The following BEX2 variants were observed in gnomAD, a reference collection of about 807,000 sequenced individuals.
BEX2 encodes the protein brain expressed X-linked 2, also known as protein BEX2.
Under a neutral mutation model 4.1 loss-of-function variants are expected in BEX2, and 2 were observed. That is an observed-to-expected ratio of 0.49 (90% CI 0.20 to 1.53). The LOEUF (loss-of-function observed/expected upper bound fraction) is 1.53. Ranked by LOEUF, BEX2 falls within the 40% of genes most tolerant of loss-of-function variation. The pLI is 0.23. For missense variants in BEX2, 94 were observed against 99.9 expected (o/e 0.94, Z 0.25); for synonymous variants, 34 against 35.9 (o/e 0.95, Z 0.19).
chrX:103,310,867 C>T lies in BEX2; in HGVS notation c.-89G>A. On this transcript the variant is annotated 5_prime_UTR_variant, in exon 1 of 3. Coordinates refer to ENST00000372677, the MANE Select transcript of BEX2 (RefSeq NM_032621.4). ...CCCCTCCGGGTCCCTTACCTGCTCC[C>T]CCTCCGCTTCCTACTTTCGGGGCCG... The T allele has an allele frequency of 6.1e-6, 2 of 327,258 alleles. No individual in the cohort carries two copies. The highest frequency in any genetic ancestry group is 5.2e-6 in the Non-Finnish European group (1 of 192,636). 27.0% of individuals were successfully genotyped at this position (327,258 alleles called of 1,213,427 possible). A position where few individuals can be genotyped will look rare whatever the true frequency, so the allele number is the denominator to read the frequency against.
intron 2 of BEX2, among the ~76,000 whole-genome samples, 158 bp downstream of exon 2, chrX:103,310,200 A>T (rs1015122067): frequency 9.1e-6 from 1 of 110,352 alleles, no homozygotes; most frequent in African/African-American, 3.3e-5. Flanking sequence ...TCTTCTCTGC[A>T]GATCCATCTC....
chrX:103,310,480 G>C, intron 1 of BEX2, 47 bp from the exon 2 acceptor site: 8 of 1,150,845 alleles, frequency 7.0e-6, no homozygotes, highest in South Asian at 3.8e-5. Flanking sequence ...GCAGCGGAAC[G>C]CTAGAGAGGA....
At chrX:103,310,829 C>T (rs1049312564) in intron 1 of BEX2, 31 bp downstream of exon 1, 2 of 378,373 alleles carry the variant, frequency 5.3e-6, no homozygotes, top group East Asian at 9.6e-5. Context: ...TCCCCCACAC[C>T]AACCCCAGGG....
rs1326911637 is a variant in BEX2, at chrX:103,310,387, C to A, written c.-35G>T. ...GCCTATCCTTGCAGTCTCCTCCTCC[C>A]GATTCTCGACGTGAGGTGCGTCGCC... is the stretch of plus-strand genomic sequence containing the variant. On this transcript the variant is annotated 5_prime_UTR_variant, in exon 2 of 3. Coordinates refer to ENST00000372677, the MANE Select transcript of BEX2 (RefSeq NM_032621.4). 2 of 1,155,505 alleles carry A rather than the reference C, an allele frequency of 1.7e-6. No homozygotes were observed. Among genetic ancestry groups the A allele is most frequent in the East Asian group, 6.5e-5 (2 of 30,638 alleles).
In BEX2 at chrX:103,310,380, C is replaced by T. The variant is rs1294788936; in HGVS notation, c.-28G>A. Reference sequence around the variant, plus strand: ...GACCTGGGCCTATCCTTGCAGTCTCCTCCTCCCGATTCTCGACGTGAGGTG... The same window carrying T: ...GACCTGGGCCTATCCTTGCAGTCTCTTCCTCCCGATTCTCGACGTGAGGTG... On this transcript the variant is annotated 5_prime_UTR_variant, in exon 2 of 3. Transcript: ENST00000372677. 3 of 1,155,365 alleles carry T rather than the reference C, an allele frequency of 2.6e-6. No homozygotes were observed. In the Admixed American group the frequency reaches 7.8e-5, roughly 30 times the overall value.
rs1926165023 is a variant in BEX2, at chrX:103,310,453, G to T, written c.-81-20C>A. On this transcript the variant is annotated intron_variant, in intron 1 of 2. Transcript: ENST00000372677. ...GCAAACCTGCAGACGGCCGGGGTGGGAAGAGTGGGGGCTGCTGCAGCGGAA... is the reference window on the plus strand; with the variant it reads ...GCAAACCTGCAGACGGCCGGGGTGGTAAGAGTGGGGGCTGCTGCAGCGGAA... 6 of 1,155,726 alleles carry T rather than the reference G, an allele frequency of 5.2e-6. No homozygotes were observed. The highest frequency in any genetic ancestry group is 6.9e-6 in the Non-Finnish European group (6 of 872,147).
chrX:103,309,923 G>T lies in BEX2; in HGVS notation c.54C>A (p.Asn18Lys), dbSNP rs1177551858. ...ALNNLIVENV[N>K]QENDEKDEKE... ...TTTCATCTTTTTCATCATTTTCCTGGTTGACATTTTCCACGATGAGATTGT... is the reference window on the plus strand; with the variant it reads ...TTTCATCTTTTTCATCATTTTCCTGTTTGACATTTTCCACGATGAGATTGT... Residue 18 changes from asparagine to lysine, a missense_variant, in exon 3 of 3, where the codon AAC (asparagine) becomes AAA (lysine). Coordinates refer to ENST00000372677, the MANE Select transcript of BEX2 (RefSeq NM_032621.4). 6 of 1,210,506 alleles carry T rather than the reference G, an allele frequency of 5.0e-6. No homozygotes were observed. Among genetic ancestry groups the T allele is most frequent in the East Asian group, 3.0e-5 (1 of 33,801 alleles).
In BEX2 at chrX:103,310,691, G is replaced by C. The variant is rs1308594481; in HGVS notation, c.-82+169C>G. On this transcript the variant is annotated intron_variant, in intron 1 of 2. Transcript: ENST00000372677. ...CGTAGCCTCAGGATCGCCGGCTCCC[G>C]CGGGGCCGGGCACCCCTCCGCTCAC... 12 of 1,032,662 alleles carry C rather than the reference G, an allele frequency of 1.2e-5. No homozygotes were observed. The African/African-American group carries it at 1.9e-4, about 16-fold the overall frequency. 85.1% of individuals were successfully genotyped at this position (1,032,662 alleles called of 1,213,427 possible). A position where few individuals can be genotyped will look rare whatever the true frequency, so the allele number is the denominator to read the frequency against.
intron 1 of BEX2, 49 bp downstream of exon 1, chrX:103,310,811 G>A: frequency 7.2e-6 from 3 of 415,773 alleles, no homozygotes; most frequent in Non-Finnish European, 1.2e-5. Flanking sequence ...TCCGCAGGCC[G>A]GGGCTGCTCC....
In BEX2 at chrX:103,309,954, G is replaced by T; in HGVS notation, c.23C>A (p.Ala8Glu). ...ATTTTCCACGATGAGATTGTTTAAC[G>T]CTCGTTCCTCTTTGGACTCCATTAC... Reference protein sequence around the residue: MESKEERALNNLIVENVN... With the variant: MESKEERELNNLIVENVN... Residue 8 changes from alanine (A) to glutamate (E), a missense_variant, in exon 3 of 3, where the codon GCG becomes GAG. Transcript: ENST00000372677. 8.3e-7 allele frequency: 1 copy of T among 1,205,748 alleles called. No homozygotes were observed. Among genetic ancestry groups the T allele is most frequent in the East Asian group, 3.0e-5 (1 of 33,805 alleles).
Position 103,310,427 on chromosome X carries a change from C to G in BEX2, c.-75G>C, listed in dbSNP as rs759259308. Reference sequence around the variant, plus strand: ...GGTGCGTCGCCGCAACACTTGGCCCCGCAAACCTGCAGACGGCCGGGGTGG... The same window carrying G: ...GGTGCGTCGCCGCAACACTTGGCCCGGCAAACCTGCAGACGGCCGGGGTGG... On this transcript the variant is annotated 5_prime_UTR_variant, in exon 2 of 3. Coordinates refer to ENST00000372677, the MANE Select transcript of BEX2 (RefSeq NM_032621.4). 13 of 1,155,752 alleles carry G rather than the reference C, an allele frequency of 1.1e-5. No individual in the cohort carries two copies. The highest frequency in any genetic ancestry group is 7.7e-5 in the Admixed American group (3 of 38,723).
rs7557 is a variant in BEX2 at position 103,309,655 on chromosome X, A to C, written c.322T>G (p.Leu108Val). The part of the protein sequence containing the change: ...KLREKQLSHS[L>V]RAVSTDPPHH... ...GGGGGATCAGTGCTGACTGCCCGCAAACTATGACTCAACTGCTTTTCCCTC... is the reference window on the plus strand; with the variant it reads ...GGGGGATCAGTGCTGACTGCCCGCACACTATGACTCAACTGCTTTTCCCTC... The change falls in exon 3 of 3, where the codon TTG becomes GTG. Residue 108 changes from leucine (L) to valine (V), a missense_variant. Physicochemically the swap from Leu to Val is conservative, Grantham distance 32. Coordinates refer to ENST00000372677, the MANE Select transcript of BEX2 (RefSeq NM_032621.4). 1.7e-6 allele frequency: 2 copies of C among 1,207,046 alleles called. No homozygotes were observed. Among genetic ancestry groups the C allele is most frequent in the African/African-American group, 3.6e-5 (2 of 56,227 alleles).
Position 103,309,689 on chromosome X carries a change from C to T in BEX2, c.288G>A (p.Met96Ile). The change falls in exon 3 of 3, where the codon ATG (methionine) becomes ATA (isoleucine). Residue 96 changes from methionine to isoleucine, a missense_variant. Transcript: ENST00000372677. ...ERIGEEVRQL[M>I]EKLREKQLSH... Reference sequence around the variant, plus strand: ...TCAACTGCTTTTCCCTCAGCTTTTCCATCAGCTGTCTCACCTCCTCCCCAA... The same window carrying T: ...TCAACTGCTTTTCCCTCAGCTTTTCTATCAGCTGTCTCACCTCCTCCCCAA... 8.3e-7 allele frequency: 1 copy of T among 1,211,384 alleles called. No homozygotes were observed. The highest frequency in any genetic ancestry group is 1.8e-5 in the South Asian group (1 of 56,939).
In BEX2 at chrX:103,309,583, T is replaced by C. The variant is rs1165300252; in HGVS notation, c.*7A>G. On this transcript the variant is annotated 3_prime_UTR_variant, in exon 3 of 3. Coordinates refer to ENST00000372677, the MANE Select transcript of BEX2 (RefSeq NM_032621.4). ...CTCCCTATTAACTTCAGGGAAACCATCAGGATTCAGGGCATAAGGCAAAAC... is the reference window on the plus strand; with the variant it reads ...CTCCCTATTAACTTCAGGGAAACCACCAGGATTCAGGGCATAAGGCAAAAC... 8.3e-7 allele frequency: 1 copy of C among 1,205,668 alleles called. No individual in the cohort carries two copies. The highest frequency in any genetic ancestry group is 1.8e-5 in the African/African-American group (1 of 56,592).
At position 103,310,764 on chromosome X, in the gene BEX2, C is replaced by T. The variant is rs149179126; in HGVS notation, c.-82+96G>A. 947 of 553,351 alleles carry T rather than the reference C, an allele frequency of 1.7e-3. 6 individuals are homozygous for T. In the African/African-American group the frequency reaches 0.02, roughly 12 times the overall value. The allele number at this position is 553,351 out of a possible 1,213,427, so 45.6% of individuals were successfully genotyped here. On this transcript the variant is annotated intron_variant, in intron 1 of 2. Coordinates refer to ENST00000372677, the MANE Select transcript of BEX2 (RefSeq NM_032621.4). ...GGGGCCCCGGGGCTGCATCGTGGAC[C>T]GGCTGCGTCTCCGCGCTGCTGCCCG...
rs1340376114 is a variant in BEX2, at chrX:103,309,626, G to A, written c.351C>T (p.His117=). ...GGCAAAACTCATCGTGATGGTCATG[G>A]TGAGGGGGATCAGTGCTGACTGCCC... ...SLRAVSTDPP[H]HDHHDEFCLM... Residue 117 remains histidine, a synonymous_variant, in exon 3 of 3, where the codon CAC becomes CAT. Coordinates refer to ENST00000372677, the MANE Select transcript of BEX2 (RefSeq NM_032621.4). 8.3e-7 allele frequency: 1 copy of A among 1,211,353 alleles called. No individual in the cohort carries two copies. The highest frequency in any genetic ancestry group is 2.2e-5 in the Admixed American group (1 of 45,985).
rs143773650 is a variant in BEX2 at position 103,309,638 on chromosome X, A to T, written c.339T>A (p.Thr113=). ...QLSHSLRAVS[T]DPPHHDHHDE... ...CGTGATGGTCATGGTGAGGGGGATC[A>T]GTGCTGACTGCCCGCAAACTATGAC... The change falls in exon 3 of 3, where the codon ACT becomes ACA. Residue 113 remains threonine (T), a synonymous_variant. Coordinates refer to ENST00000372677, the MANE Select transcript of BEX2 (RefSeq NM_032621.4). 2.5e-6 allele frequency: 3 copies of T among 1,208,716 alleles called. No homozygotes were observed. In the African/African-American group the frequency reaches 5.3e-5, roughly 21 times the overall value.
chrX:103,310,119 G>T, intron 2 of BEX2, 138 bp from the exon 3 acceptor site: 1 of 832,653 alleles, frequency 1.2e-6, no homozygotes. Flanking sequence ...TTTTCCACCA[G>T]AGAGGCCCCA....
chrX:103,309,424 A>G lies in BEX2; in HGVS notation c.*166T>C. 2 of 763,313 alleles carry G rather than the reference A, an allele frequency of 2.6e-6. No individual in the cohort carries two copies. Among genetic ancestry groups the G allele is most frequent in the Admixed American group, 3.5e-5 (1 of 28,418 alleles). The allele number at this position is 763,313 out of a possible 1,213,427, so 62.9% of individuals were successfully genotyped here. On this transcript the variant is annotated 3_prime_UTR_variant, in exon 3 of 3. Coordinates refer to ENST00000372677, the MANE Select transcript of BEX2 (RefSeq NM_032621.4). ...TGCAATAGGTAAAACTCTCCTGCTG[A>G]CAGAAACTTACAAACTGGGTCAAAA...
Sources: gnomAD v4.1 joint callset for allele counts (sites outside exome capture counted in the v4.1 genomes callset) on GRCh38, gnomAD v4.1.1 for gene constraint, MANE v1.5 for transcripts, NCBI Gene and HGNC (gene_info 2026-07-23, HGNC 2026-07-21) for gene names.